The following EML1 variants were observed in gnomAD, a reference collection of about 807,000 sequenced individuals.
EML1 encodes EMAP like 1.
Under a neutral mutation model 110.4 loss-of-function variants are expected in EML1, and 27 were observed. The ratio of observed to expected loss-of-function variants is 0.24; its 90% CI spans 0.18 to 0.34. The LOEUF (loss-of-function observed/expected upper bound fraction) is 0.34, where lower values mean the gene tolerates loss of function less well. EML1 is among the 10% of genes least tolerant of loss of function. The pLI, the probability that EML1 is intolerant of heterozygous loss-of-function variation, is 1.00. For synonymous variants in EML1, 344 were observed against 385.8 expected, an observed-to-expected ratio of 0.89 and a Z score of 1.27; for missense variants, 741 against 1,030.9, an observed-to-expected ratio of 0.72 and a Z score of 3.85.
intron 1 of EML1, among the ~76,000 whole-genome samples, chr14:99,809,133 G>C (rs182714765): frequency 6.6e-6 from 1 of 152,070 alleles, no homozygotes; most frequent in Non-Finnish European, 1.5e-5. Flanking sequence ...GAGAAAATAC[G>C]CTATAGATAA....
intron 1 of EML1, among the ~76,000 whole-genome samples, chr14:99,829,372 T>C (rs2139769635): frequency 6.6e-6 from 1 of 152,358 alleles, no homozygotes; most frequent in East Asian, 1.9e-4. Context: ...CTCTTCATTA[T>C]TGCTTTTTGA....
upstream of EML1, chr14:99,793,296 G>A: frequency 2.0e-6 from 2 of 977,384 alleles, no homozygotes; most frequent in Non-Finnish European, 2.4e-6. Flanking sequence ...GCGGGCGCTG[G>A]GCTCGCGCGG....
chr14:99,825,382 G>A (rs1343270637), intron 1 of EML1, among the ~76,000 whole-genome samples: 1 of 152,164 alleles, frequency 6.6e-6, no homozygotes, highest in Admixed American at 6.5e-5. Flanking sequence ...TGTGGGTGCT[G>A]ATGTCTGTTT....
At chr14:99,808,850 AG>A (rs2058025630) in intron 1 of EML1, among the ~76,000 whole-genome samples, 1 of 152,246 alleles carries the variant, frequency 6.6e-6, no homozygotes, top group Admixed American at 6.5e-5. Flanking sequence ...CAGTTTTTAA[AG>A]CACCTTCAGA....
intron 9 of EML1, among the ~76,000 whole-genome samples, chr14:99,901,275 A>C (rs1412579437): frequency 2.0e-5 from 3 of 152,194 alleles, no homozygotes; most frequent in African/African-American, 7.2e-5. Flanking sequence ...TTGGTGATGA[A>C]AACAGGCCCC....
intron 1 of EML1, among the ~76,000 whole-genome samples, chr14:99,762,601 C>A (rs537578215): frequency 3.3e-5 from 5 of 152,170 alleles, no homozygotes; most frequent in African/African-American, 9.7e-5. Context: ...AGTTCAAAAC[C>A]AGCCTGGGCA....
chr14:99,904,334 T>TG (rs1248180498), intron 9 of EML1, among the ~76,000 whole-genome samples: 1 of 152,174 alleles, frequency 6.6e-6, no homozygotes, highest in Non-Finnish European at 1.5e-5. Context: ...TGAGCTTTAT[T>TG]CTATCTAATT....
At chr14:99,807,885 A>G (rs372949104) in intron 1 of EML1, among the ~76,000 whole-genome samples, 2 of 152,166 alleles carry the variant, frequency 1.3e-5, no homozygotes, top group African/African-American at 4.8e-5. Flanking sequence ...CCTAGTAGGT[A>G]TCTCATAAAT....
chr14:99,892,076 G>C, intron 5 of EML1: 1 of 943,824 alleles, frequency 1.1e-6, no homozygotes, highest in African/African-American at 1.8e-5. Flanking sequence ...GCTAGTGAGG[G>C]CTCCGGGCTC....
chr14:99,867,552 A>T (rs1010350206), intron 3 of EML1, among the ~76,000 whole-genome samples: 14 of 152,270 alleles, frequency 9.2e-5, no homozygotes, highest in African/African-American at 3.4e-4. Flanking sequence ...GGTTAAAGTT[A>T]TTCCTAAGTA....
chr14:99,835,762 A>T (rs1206864588), intron 1 of EML1, among the ~76,000 whole-genome samples: 1 of 152,234 alleles, frequency 6.6e-6, no homozygotes, highest in Non-Finnish European at 1.5e-5. Flanking sequence ...GCATGTGGAC[A>T]TTCAATATTT....
At chr14:99,759,825 G>A (rs1199781751) in intron 1 of EML1, among the ~76,000 whole-genome samples, 1 of 152,158 alleles carries the variant, frequency 6.6e-6, no homozygotes. Flanking sequence ...CAAGAGCTGT[G>A]AGACTAGGCC....
At chr14:99,923,602 A>AAAAAT (rs2060170506) in intron 17 of EML1, among the ~76,000 whole-genome samples, 7 of 151,562 alleles carry the variant, frequency 4.6e-5, no homozygotes, top group Non-Finnish European at 1.0e-4. Context: ...TCAATCGATC[A>AAAAAT]GAAATGTAAA....
intron 17 of EML1, among the ~76,000 whole-genome samples, chr14:99,927,698 T>A (rs1203190242): frequency 6.7e-6 from 1 of 149,946 alleles, no homozygotes; most frequent in Admixed American, 6.7e-5. Context: ...TTCACTTTAT[T>A]TTCCAGTTTC....
intron 1 of EML1, among the ~76,000 whole-genome samples, chr14:99,762,139 C>G (rs2140188475): frequency 6.6e-6 from 1 of 152,182 alleles, no homozygotes; most frequent in Non-Finnish European, 1.5e-5. Flanking sequence ...CACAATGAGC[C>G]CTGTTCCAGG....
chr14:99,797,841 A>G (rs949022279), intron 1 of EML1, among the ~76,000 whole-genome samples: 13 of 152,198 alleles, frequency 8.5e-5, no homozygotes, highest in Admixed American at 3.9e-4. Context: ...CAGGAACCCA[A>G]TGGTAAAGCA....
chr14:99,763,716 G>A (rs999684964), intron 1 of EML1, among the ~76,000 whole-genome samples: 23 of 152,122 alleles, frequency 1.5e-4, no homozygotes, highest in Admixed American at 2.6e-4. Flanking sequence ...ACGATGTTTC[G>A]ATTGATTTCA....
intron 17 of EML1, among the ~76,000 whole-genome samples, chr14:99,922,846 T>C (rs1297769465): frequency 1.3e-5 from 2 of 152,250 alleles, no homozygotes; most frequent in Non-Finnish European, 2.9e-5. Context: ...TTTGTCTTAC[T>C]GTTGAGTAGT....
At chr14:99,868,476 G>C (rs2059139641) in intron 3 of EML1, among the ~76,000 whole-genome samples, 1 of 152,064 alleles carries the variant, frequency 6.6e-6, no homozygotes. Flanking sequence ...TTTGATTACT[G>C]CTTCAGTCTC....
Sources: gnomAD v4.1 joint callset for allele counts (sites outside exome capture counted in the v4.1 genomes callset) on GRCh38, gnomAD v4.1.1 for gene constraint, MANE v1.5 for transcripts, NCBI Gene and HGNC (gene_info 2026-07-23, HGNC 2026-07-21) for gene names.